ZEB1: variants seen among roughly 807,000 people sequenced by gnomAD.
The protein encoded by ZEB1 is zinc finger E-box binding homeobox 1, also known as zinc finger E-box-binding homeobox 1.
ZEB1 carries 21 observed loss-of-function variants against 84.9 expected under a neutral mutation model. The ratio of observed to expected loss-of-function variants is 0.25; its 90% CI spans 0.18 to 0.36. The LOEUF is 0.36. Among genes scored for constraint, ZEB1 ranks in the 10% least tolerant of loss-of-function variants. ZEB1 has a pLI of 1.00. For synonymous variants in ZEB1, 420 were observed against 471.1 expected, an observed-to-expected ratio of 0.89 and a Z score of 1.41; for missense variants, 1,104 against 1,330.2, an observed-to-expected ratio of 0.83 and a Z score of 2.65.
At chr10:31,524,341 C>G (rs1051712625) in intron 8 of ZEB1, among the ~76,000 whole-genome samples, 3 of 152,062 alleles carry the variant, frequency 2.0e-5, no homozygotes, top group Non-Finnish European at 4.4e-5. Flanking sequence ...ATCTCAGCCT[C>G]CTGAGTAGCT....
Position 31,394,627 on chromosome 10 carries a change from AAT to A in ZEB1, c.59-66408_59-66407del, listed in dbSNP as rs1350734224. Among the ~76,000 whole-genome samples the A allele has an allele frequency of 8.5e-5, 13 of 152,310 alleles. No individual in the cohort carries two copies. In the East Asian group the frequency reaches 2.1e-3, roughly 25 times the overall value. On this transcript the variant is annotated intron_variant, in intron 1 of 8. Coordinates refer to ENST00000424869, the MANE Select transcript of ZEB1 (RefSeq NM_001174096.2). ...TATTGCCTACATTGTACTTAATATA[AAT>A]AGGGGCATACAATGTGTATTCACTT...
intron 1 of ZEB1, among the ~76,000 whole-genome samples, chr10:31,350,613 A>G (rs1383553000): frequency 2.0e-5 from 3 of 152,184 alleles, no homozygotes; most frequent in African/African-American, 7.2e-5. Context: ...ACAAATAGTA[A>G]TAATTTAAGG....
At chr10:31,466,581 A>G (rs1243655094) in intron 2 of ZEB1, among the ~76,000 whole-genome samples, 1 of 152,218 alleles carries the variant, frequency 6.6e-6, no homozygotes, top group East Asian at 1.9e-4. Context: ...GAAACATAAC[A>G]TACCAAAACA....
At chr10:31,475,494 A>T (rs980557175) in intron 2 of ZEB1, among the ~76,000 whole-genome samples, 8 of 152,194 alleles carry the variant, frequency 5.3e-5, no homozygotes, top group East Asian at 1.9e-4. Flanking sequence ...GCATATAGTC[A>T]TTAGGCTATT....
chr10:31,417,644 A>G (rs1409581502), intron 1 of ZEB1, among the ~76,000 whole-genome samples: 1 of 152,134 alleles, frequency 6.6e-6, no homozygotes, highest in Admixed American at 6.6e-5. Flanking sequence ...TCTAATATTT[A>G]CTGTCTTCCA....
chr10:31,322,728 A>G (rs1388328010), intron 1 of ZEB1, among the ~76,000 whole-genome samples: 1 of 148,052 alleles, frequency 6.8e-6, no homozygotes, highest in African/African-American at 2.6e-5. Flanking sequence ...GCTTTCTTCT[A>G]TGTGGTTTTC....
intron 1 of ZEB1, among the ~76,000 whole-genome samples, chr10:31,360,515 G>T (rs1259695075): frequency 6.6e-6 from 1 of 152,162 alleles, no homozygotes; most frequent in Non-Finnish European, 1.5e-5. Flanking sequence ...TAAAGGGTCA[G>T]TATCCCTAAA....
chr10:31,396,016 A>G (rs918044019), intron 1 of ZEB1, among the ~76,000 whole-genome samples: 1 of 152,184 alleles, frequency 6.6e-6, no homozygotes, highest in Non-Finnish European at 1.5e-5. Flanking sequence ...AGCTTTGGGC[A>G]TTGTCACTTA....
rs112108654 is a variant in ZEB1, at chr10:31,384,050, T to G, written c.58+64758T>G. Among the ~76,000 whole-genome samples, 42 of 142,844 alleles carry G rather than the reference T, an allele frequency of 2.9e-4. 4 individuals are homozygous for G. The highest frequency in any genetic ancestry group is 1.1e-3 in the African/African-American group (42 of 38,428). The allele number at this position is 142,844 out of a possible 152,430, so 93.7% of individuals were successfully genotyped here. A position where few individuals can be genotyped will look rare whatever the true frequency, so the allele number is the denominator to read the frequency against. On this transcript the variant is annotated intron_variant, in intron 1 of 8. Coordinates refer to ENST00000424869, the MANE Select transcript of ZEB1 (RefSeq NM_001174096.2). ...GTGCAGTAGTGTGATTTCAGCTCAC[T>G]GCAGCCTCACCACCTCCTGTATTCA...
At chr10:31,432,448 G>A (rs553588740) in intron 1 of ZEB1, among the ~76,000 whole-genome samples, 4 of 152,210 alleles carry the variant, frequency 2.6e-5, no homozygotes, top group South Asian at 2.1e-4. Context: ...AATTAGCCAG[G>A]TGTGGTACTG....
intron 1 of ZEB1, among the ~76,000 whole-genome samples, chr10:31,347,194 G>GA (rs2040467351): frequency 6.6e-6 from 1 of 152,084 alleles, no homozygotes; most frequent in Non-Finnish European, 1.5e-5. Flanking sequence ...CCAGTTTAAA[G>GA]AAACTAAAGC....
At chr10:31,465,463 T>A (rs543925818) in intron 2 of ZEB1, among the ~76,000 whole-genome samples, 13 of 151,342 alleles carry the variant, frequency 8.6e-5, no homozygotes, top group African/African-American at 2.7e-4. Context: ...GCAAAAAATA[T>A]ATATATATAT....
At position 31,521,877 on chromosome 10, in the gene ZEB1, A is replaced by G; in HGVS notation, c.2545A>G (p.Thr849Ala). ...IPQVAYTYST[T>A]VSPAVQEPPL... The stretch of plus-strand genomic sequence containing the variant: ...CCAGGTGGCATACACCTACTCAACT[A>G]CGGTCAGCCCTGCAGTCCAAGAACC... Residue 849 changes from threonine to alanine, a missense_variant, in exon 7 of 9, where the codon ACG becomes GCG. Coordinates refer to ENST00000424869, the MANE Select transcript of ZEB1 (RefSeq NM_001174096.2). 1 of 1,614,036 alleles carries G rather than the reference A, an allele frequency of 6.2e-7. No individual in the cohort carries two copies. The highest frequency in any genetic ancestry group is 8.5e-7 in the Non-Finnish European group (1 of 1,179,962).
chr10:31,409,296 TG>T (rs2053763466), intron 1 of ZEB1, among the ~76,000 whole-genome samples: 1 of 152,132 alleles, frequency 6.6e-6, no homozygotes, highest in African/African-American at 2.4e-5. Flanking sequence ...ACACTGTTGG[TG>T]GGACTGTAAA....
intron 1 of ZEB1, among the ~76,000 whole-genome samples, chr10:31,392,933 C>G (rs1174024567): frequency 6.6e-6 from 1 of 152,108 alleles, no homozygotes; most frequent in African/African-American, 2.4e-5. Flanking sequence ...CTCTGAGGCT[C>G]AAGCCATCCT....
At position 31,527,422 on chromosome 10, in the gene ZEB1, C is replaced by G; in HGVS notation, c.*158C>G. On this transcript the variant is annotated 3_prime_UTR_variant, in exon 9 of 9. Transcript: ENST00000424869. ...AAATACAAAATACAAAACACACACA[C>G]ACACACACACACACACACACACACA... The G allele has an allele frequency of 1.6e-6, 1 of 625,088 alleles. No homozygotes were observed. Among genetic ancestry groups the G allele is most frequent in the Non-Finnish European group, 2.6e-6 (1 of 378,298 alleles). The allele number at this position is 625,088 out of a possible 1,614,324, so 38.7% of individuals were successfully genotyped here.
chr10:31,362,561 T>C (rs1237338500), intron 1 of ZEB1, among the ~76,000 whole-genome samples: 4 of 143,500 alleles, frequency 2.8e-5, no homozygotes, highest in Admixed American at 6.9e-5. Context: ...CTTCCCAGAC[T>C]GTGAGGCTGC....
rs377610705 is a variant in ZEB1, at chr10:31,358,949, C to A, written c.58+39657C>A. On this transcript the variant is annotated intron_variant, in intron 1 of 8. Coordinates refer to ENST00000424869, the MANE Select transcript of ZEB1 (RefSeq NM_001174096.2). ...CTTTGACTTTTTATTATTTGTTTCT[C>A]TTTGAACTAAACTTTATTTACTTAT... Among the ~76,000 whole-genome samples, 130 of 152,272 alleles carry A rather than the reference C, an allele frequency of 8.5e-4. 3 individuals carry two copies. The South Asian group carries it at 0.025, about 30-fold the overall frequency.
rs1295818634 is a variant in ZEB1 at position 31,510,985 on chromosome 10, G to GTGCTATAT, written c.687+111_687+118dup. ...GAAAGTTAAAAGAATGTACTAAACA[G>GTGCTATAT]TGCTATATCTGCAGCCTTATAAAAG... On this transcript the variant is annotated intron_variant, in intron 5 of 8. Coordinates refer to ENST00000424869, the MANE Select transcript of ZEB1 (RefSeq NM_001174096.2). The GTGCTATAT allele has an allele frequency of 1.4e-5, 14 of 1,005,326 alleles. No individual in the cohort carries two copies. In the African/African-American group the frequency reaches 2.1e-4, roughly 15 times the overall value. 62.3% of individuals were successfully genotyped at this position (1,005,326 alleles called of 1,614,324 possible). A position where few individuals can be genotyped will look rare whatever the true frequency, so the allele number is the denominator to read the frequency against.
Sources: gnomAD v4.1 joint callset for allele counts (sites outside exome capture counted in the v4.1 genomes callset) on GRCh38, gnomAD v4.1.1 for gene constraint, MANE v1.5 for transcripts, NCBI Gene and HGNC (gene_info 2026-07-23, HGNC 2026-07-21) for gene names.